The following TMED7 variants were observed in gnomAD, a reference collection of about 807,000 sequenced individuals.
TMED7 encodes transmembrane p24 trafficking protein 7, also known as transmembrane emp24 domain-containing protein 7.
In TMED7, 8 loss-of-function variants were observed where a neutral mutation model predicts 23.4. That is an observed-to-expected ratio of 0.34 (90% CI 0.20 to 0.62). The LOEUF is 0.62. Among genes scored for constraint, TMED7 ranks in the 20% least tolerant of loss-of-function variants. The pLI, the probability that TMED7 is intolerant of heterozygous loss-of-function variation, is 0.77. For synonymous variants in TMED7, 121 were observed against 108.5 expected, an observed-to-expected ratio of 1.12 and a Z score of -0.72; for missense variants, 232 against 279.1, an observed-to-expected ratio of 0.83 and a Z score of 1.20.
At chr5:115,617,602 T>TTCTG (rs1387214299) in intron 2 of TMED7, among the ~76,000 whole-genome samples, 4 of 151,818 alleles carry the variant, frequency 2.6e-5, no homozygotes, top group Non-Finnish European at 5.9e-5. Context: ...CTTCTAGGAT[T>TTCTG]TGCTTTCTCT....
chr5:115,625,811 G>T lies in TMED7; in HGVS notation c.-19C>A. 1 of 1,396,154 alleles carries T rather than the reference G, an allele frequency of 7.2e-7. No homozygotes were observed. Among genetic ancestry groups the T allele is most frequent in the Non-Finnish European group, 9.2e-7 (1 of 1,081,290 alleles). The allele number at this position is 1,396,154 out of a possible 1,614,324, so 86.5% of individuals were successfully genotyped here. A position where few individuals can be genotyped will look rare whatever the true frequency, so the allele number is the denominator to read the frequency against. On this transcript the variant is annotated 5_prime_UTR_variant, in exon 1 of 3. Transcript: ENST00000456936. ...GCGGCATCCCGAGAAGGCGGCGGCG[G>T]CCTCAACCGAGCTGCGAGACGCAGG...
chr5:115,614,204 A>T lies in TMED7; in HGVS notation c.*2005T>A, dbSNP rs1402369903. The T allele has an allele frequency of 6.6e-6, 1 of 152,120 alleles. No homozygotes were observed. Among genetic ancestry groups the T allele is most frequent in the Non-Finnish European group, 1.5e-5 (1 of 67,966 alleles). The allele number at this position is 152,120 out of a possible 1,614,324, so 9.4% of individuals were successfully genotyped here. On this transcript the variant is annotated 3_prime_UTR_variant, in exon 3 of 3. Transcript: ENST00000456936. ...AACCAGTTACACAGAGACTAGACTA[A>T]GCCAACACTATTTTCTATAACAGGT... is the stretch of plus-strand genomic sequence containing the variant.
At chr5:115,625,566 G>A (rs376328964) in intron 1 of TMED7, 35 bp downstream of exon 1, 44 of 1,497,488 alleles carry the variant, frequency 2.9e-5, no homozygotes, top group Admixed American at 2.2e-4. Context: ...CTGGAGCCGC[G>A]AGTTGGGGCC....
In TMED7 at chr5:115,614,197, T is replaced by C. The variant is rs1756594773; in HGVS notation, c.*2012A>G. On this transcript the variant is annotated 3_prime_UTR_variant, in exon 3 of 3. Transcript: ENST00000456936. ...AAAATGTAACCAGTTACACAGAGAC[T>C]AGACTAAGCCAACACTATTTTCTAT... 1 of 152,108 alleles carries C rather than the reference T, an allele frequency of 6.6e-6. No individual in the cohort carries two copies. Among genetic ancestry groups the C allele is most frequent in the Non-Finnish European group, 1.5e-5 (1 of 67,954 alleles). 9.4% of individuals were successfully genotyped at this position (152,108 alleles called of 1,614,324 possible). A position where few individuals can be genotyped will look rare whatever the true frequency, so the allele number is the denominator to read the frequency against.
chr5:115,617,360 G>A (rs1465918605), intron 2 of TMED7, among the ~76,000 whole-genome samples: 3 of 152,130 alleles, frequency 2.0e-5, no homozygotes, highest in Admixed American at 2.0e-4. Flanking sequence ...AGAAAATAAT[G>A]TTTAATGAAG....
Position 115,613,859 on chromosome 5 carries a change from G to A in TMED7, c.*2350C>T, listed in dbSNP as rs1053236538. 1 of 152,264 alleles carries A rather than the reference G, an allele frequency of 6.6e-6. No individual in the cohort carries two copies. The highest frequency in any genetic ancestry group is 1.5e-5 in the Non-Finnish European group (1 of 67,854). The allele number at this position is 152,264 out of a possible 1,614,324, so 9.4% of individuals were successfully genotyped here. On this transcript the variant is annotated 3_prime_UTR_variant, in exon 3 of 3. Transcript: ENST00000456936. The stretch of plus-strand genomic sequence containing the variant: ...ATGTGTAGATTATTAGCAAAGTAAT[G>A]CCTTAAAATGTATCTTCACACAGTT...
At chr5:115,623,192 C>T (rs1379622041) in intron 1 of TMED7, among the ~76,000 whole-genome samples, 2 of 152,238 alleles carry the variant, frequency 1.3e-5, no homozygotes, top group Non-Finnish European at 2.9e-5. Flanking sequence ...GCTCCTTCGG[C>T]TTCCCTTTGT....
At chr5:115,623,859 T>C (rs1479360372) in intron 1 of TMED7, among the ~76,000 whole-genome samples, 1 of 152,216 alleles carries the variant, frequency 6.6e-6, no homozygotes, top group East Asian at 1.9e-4. Flanking sequence ...GTGTAAGCTC[T>C]CTGAGATCAA....
chr5:115,618,006 C>T (rs2112569458), intron 2 of TMED7, among the ~76,000 whole-genome samples: 1 of 152,300 alleles, frequency 6.6e-6, no homozygotes, highest in African/African-American at 2.4e-5. Context: ...GTTGGTCAGG[C>T]TGGTCTCTAA....
At position 115,625,983 on chromosome 5, in the gene TMED7, C is replaced by A. The variant is rs2112582156; in HGVS notation, c.-191G>T. Reference sequence around the variant, plus strand: ...CTGTGAGGGGCGCAGACGGGCGGACCTGGGGAGGTAAAAGAGAAGCGGAAA... The same window carrying A: ...CTGTGAGGGGCGCAGACGGGCGGACATGGGGAGGTAAAAGAGAAGCGGAAA... On this transcript the variant is annotated 5_prime_UTR_variant, in exon 1 of 3. In the 5' UTR this introduces an upstream ATG that the reference lacks. Coordinates refer to ENST00000456936, the MANE Select transcript of TMED7 (RefSeq NM_181836.6). 1.4e-6 allele frequency: 1 copy of A among 728,270 alleles called. No individual in the cohort carries two copies. Among genetic ancestry groups the A allele is most frequent in the East Asian group, 3.5e-5 (1 of 28,336 alleles). 45.1% of individuals were successfully genotyped at this position (728,270 alleles called of 1,614,324 possible). A position where few individuals can be genotyped will look rare whatever the true frequency, so the allele number is the denominator to read the frequency against.
At chr5:115,617,180 T>G (rs1265281149) in intron 2 of TMED7, among the ~76,000 whole-genome samples, 1 of 152,204 alleles carries the variant, frequency 6.6e-6, no homozygotes, top group East Asian at 1.9e-4. Flanking sequence ...TGAGAAAGGT[T>G]AAATGACTAG....
At chr5:115,623,916 T>C (rs1415101395) in intron 1 of TMED7, among the ~76,000 whole-genome samples, 1 of 152,234 alleles carries the variant, frequency 6.6e-6, no homozygotes, top group Non-Finnish European at 1.5e-5. Context: ...AGAATTTAAC[T>C]TGGGACTGCG....
Position 115,621,413 on chromosome 5 carries a change from T to G in TMED7, c.193-733A>C, listed in dbSNP as rs551292652. 1.2e-4 allele frequency among the ~76,000 whole-genome samples: 18 copies of G among 152,210 alleles called. No homozygotes were observed. In the South Asian group the frequency reaches 3.5e-3, roughly 30 times the overall value. On this transcript the variant is annotated intron_variant, in intron 1 of 2. Transcript: ENST00000456936. ...TTTTGAGGAGAGACACGTAACTGAT[T>G]AAATAAAATATTGTTGAAACTCTTG...
intron 2 of TMED7, among the ~76,000 whole-genome samples, chr5:115,617,892 C>T (rs542266539): frequency 2.0e-5 from 3 of 152,314 alleles, no homozygotes; most frequent in African/African-American, 7.2e-5. Flanking sequence ...CTCCTAGGTT[C>T]AAGTGATTCT....
chr5:115,622,227 A>C (rs576030881), intron 1 of TMED7, among the ~76,000 whole-genome samples: 6 of 152,282 alleles, frequency 3.9e-5, no homozygotes, highest in African/African-American at 1.2e-4. Flanking sequence ...TCATCACCCC[A>C]CTTCTCTTCC....
Position 115,621,730 on chromosome 5 carries a change from G to A in TMED7, c.193-1050C>T, listed in dbSNP as rs1230634267. On this transcript the variant is annotated intron_variant, in intron 1 of 2. Coordinates refer to ENST00000456936, the MANE Select transcript of TMED7 (RefSeq NM_181836.6). ...CCTTACATGAGAAAGAACTGAGTAG[G>A]AAGAAAGAGGGAGTGCAGAGAGGTG... is the stretch of plus-strand genomic sequence containing the variant. Among the ~76,000 whole-genome samples the A allele has an allele frequency of 2.6e-5, 4 of 152,100 alleles. No homozygotes were observed. The East Asian group carries it at 7.7e-4, about 29-fold the overall frequency.
At chr5:115,623,861 T>C (rs1171009536) in intron 1 of TMED7, among the ~76,000 whole-genome samples, 1 of 152,220 alleles carries the variant, frequency 6.6e-6, no homozygotes, top group East Asian at 1.9e-4. Flanking sequence ...GTAAGCTCTC[T>C]GAGATCAAAG....
Position 115,625,747 on chromosome 5 carries a change from G to A in TMED7, c.46C>T (p.Arg16Cys). The A allele has an allele frequency of 6.5e-7, 1 of 1,545,216 alleles. No homozygotes were observed. Among genetic ancestry groups the A allele is most frequent in the East Asian group, 2.6e-5 (1 of 39,030 alleles). The change falls in exon 1 of 3, where the codon CGT becomes TGT. Residue 16 changes from arginine to cysteine, a missense_variant. By Grantham distance (180) the Arg-to-Cys change is radical. This residue lies in a region of TMED7 where 106 missense variants were observed against 97.0 expected (regional missense o/e 1.09). Coordinates refer to ENST00000456936, the MANE Select transcript of TMED7 (RefSeq NM_181836.6). ...SAQRWAAVAG[R>C]WGCRLLALLL... ...AGTGCGAGCAGCCTGCACCCCCAACGGCCCGCGACGGCCGCCCAGCGCTGC... is the reference window on the plus strand; with the variant it reads ...AGTGCGAGCAGCCTGCACCCCCAACAGCCCGCGACGGCCGCCCAGCGCTGC...
At chr5:115,621,864 C>A (rs9326969) in intron 1 of TMED7, among the ~76,000 whole-genome samples, 83,289 of 151,854 alleles carry the variant, frequency 0.55, 23,317 homozygotes, top group African/African-American at 0.68. Flanking sequence ...TGGTTAGCAT[C>A]CTGACATTCT....
Sources: gnomAD v4.1 joint callset for allele counts (sites outside exome capture counted in the v4.1 genomes callset) on GRCh38, gnomAD v4.1.1 for gene constraint, gnomAD v4.1.1 regional missense constraint, MANE v1.5 for transcripts, NCBI Gene and HGNC (gene_info 2026-07-23, HGNC 2026-07-21) for gene names.